The following SHANK2 variants were observed in gnomAD, a reference collection of about 807,000 sequenced individuals.
The protein encoded by SHANK2 is SH3 and multiple ankyrin repeat domains protein 2.
A neutral mutation model predicts 133.7 loss-of-function variants in SHANK2; 43 were observed. That is an observed-to-expected ratio of 0.32 (90% CI 0.25 to 0.41). The LOEUF is 0.41. Ranked by LOEUF, SHANK2 falls within the 10% of genes least tolerant of loss-of-function variation. SHANK2 has a pLI of 1.00. For synonymous variants in SHANK2, 1,017 were observed against 952.8 expected (o/e 1.07, Z -1.24); for missense variants, 1,994 against 2,235.8 (o/e 0.89, Z 2.18).
intron 1 of SHANK2, among the ~76,000 whole-genome samples, chr11:71,246,851 A>T (rs879982306): frequency 1.4e-4 from 21 of 152,132 alleles, no homozygotes; most frequent in Admixed American, 2.6e-4. Context: ...CTGCCTTCTC[A>T]CTCAGAGAGG....
At chr11:70,496,717 C>T (rs1053004583) in intron 21 of SHANK2, among the ~76,000 whole-genome samples, 3 of 152,088 alleles carry the variant, frequency 2.0e-5, no homozygotes, top group African/African-American at 4.8e-5. Context: ...CTGGGGCTGG[C>T]GCTGGGGTCC....
At chr11:70,883,876 G>C (rs1555072887) in intron 11 of SHANK2, among the ~76,000 whole-genome samples, 1 of 152,206 alleles carries the variant, frequency 6.6e-6, no homozygotes, top group Non-Finnish European at 1.5e-5. Context: ...TTACAAGAGG[G>C]GACCAGGAAG....
chr11:70,492,524 T>C (rs1196196912), intron 21 of SHANK2, 59 bp from the exon 22 acceptor site: 52 of 1,608,882 alleles, frequency 3.2e-5, no homozygotes, highest in African/African-American at 1.3e-4. Flanking sequence ...TGGGTGTAGA[T>C]AGGAAAGCGC....
At chr11:70,720,299 C>G (rs1255088444) in intron 14 of SHANK2, among the ~76,000 whole-genome samples, 2 of 152,186 alleles carry the variant, frequency 1.3e-5, no homozygotes, top group Non-Finnish European at 2.9e-5. Flanking sequence ...TGGTTTATCA[C>G]AAAATGGATG....
At chr11:70,681,495 A>G (rs1945028652) in intron 15 of SHANK2, among the ~76,000 whole-genome samples, 1 of 152,068 alleles carries the variant, frequency 6.6e-6, no homozygotes, top group Non-Finnish European at 1.5e-5. Flanking sequence ...AAAGGTGCAC[A>G]TCCACCACAT....
At chr11:70,743,244 G>A (rs1326866968) in intron 14 of SHANK2, among the ~76,000 whole-genome samples, 1 of 152,150 alleles carries the variant, frequency 6.6e-6, no homozygotes, top group Non-Finnish European at 1.5e-5. Flanking sequence ...CTGCACGTCT[G>A]CGTGCCCCCC....
intron 14 of SHANK2, among the ~76,000 whole-genome samples, chr11:70,789,039 C>T (rs1226007698): frequency 4.6e-5 from 7 of 152,158 alleles, no homozygotes; most frequent in Admixed American, 4.6e-4. Flanking sequence ...CTGTAAGATG[C>T]TCCCAGTAAG....
In SHANK2 at chr11:71,057,056, C is replaced by A. The variant is rs1013809441; in HGVS notation, c.1030-498G>T. On this transcript the variant is annotated intron_variant, in intron 9 of 25. Coordinates refer to ENST00000601538, the MANE Select transcript of SHANK2 (RefSeq NM_012309.5). The stretch of plus-strand genomic sequence containing the variant: ...CAAGTCCCAAAACAATAATATTGGC[C>A]ATGCGCAGTAGCTCACACCTGTAAT... Among the ~76,000 whole-genome samples the A allele has an allele frequency of 1.4e-4, 22 of 152,228 alleles. No homozygotes were observed. In the South Asian group the frequency reaches 4.4e-3, roughly 30 times the overall value.
intron 10 of SHANK2, chr11:70,908,089 C>A: frequency 8.8e-6 from 2 of 227,410 alleles, no homozygotes; most frequent in Non-Finnish European, 1.8e-5. Context: ...GAGTGAGAGT[C>A]CATCTCAAAA....
At chr11:70,871,439 C>T (rs2135541967) in intron 11 of SHANK2, among the ~76,000 whole-genome samples, 1 of 152,298 alleles carries the variant, frequency 6.6e-6, no homozygotes, top group South Asian at 2.1e-4. Flanking sequence ...TGGGGCCACA[C>T]CACCTTCTGA....
intron 9 of SHANK2, among the ~76,000 whole-genome samples, chr11:71,062,333 A>C (rs1950997751): frequency 6.6e-6 from 1 of 152,206 alleles, no homozygotes; most frequent in African/African-American, 2.4e-5. Context: ...TAAGAGAGAA[A>C]ACGAAGAGGA....
At chr11:70,913,999 C>T (rs1950232379) in intron 10 of SHANK2, among the ~76,000 whole-genome samples, 1 of 152,180 alleles carries the variant, frequency 6.6e-6, no homozygotes, top group East Asian at 1.9e-4. Context: ...TATTGCTTTT[C>T]AATTAATCCA....
chr11:71,162,576 A>C (rs1385090406), intron 2 of SHANK2, among the ~76,000 whole-genome samples: 2 of 152,260 alleles, frequency 1.3e-5, no homozygotes, highest in African/African-American at 4.8e-5. Flanking sequence ...CAAATCAAGT[A>C]ACATACGTTG....
chr11:70,602,600 T>C (rs2060515388), intron 17 of SHANK2, among the ~76,000 whole-genome samples: 1 of 152,208 alleles, frequency 6.6e-6, no homozygotes, highest in South Asian at 2.1e-4. Flanking sequence ...AAACATTTCA[T>C]CCTCTTCTTT....
intron 15 of SHANK2, among the ~76,000 whole-genome samples, chr11:70,663,384 G>C (rs1944614728): frequency 6.6e-6 from 1 of 152,112 alleles, no homozygotes; most frequent in Non-Finnish European, 1.5e-5. Context: ...CAGTATCCTG[G>C]ACAAGGGACG....
intron 11 of SHANK2, among the ~76,000 whole-genome samples, chr11:70,829,854 G>A (rs899169521): frequency 6.6e-5 from 10 of 152,220 alleles, no homozygotes; most frequent in Admixed American, 1.3e-4. Flanking sequence ...TCTGCCACAC[G>A]GGGTCTTCTG....
In SHANK2 at chr11:70,779,095, T is replaced by C. The variant is rs574303418; in HGVS notation, c.1777+19348A>G. 7.8e-4 allele frequency among the ~76,000 whole-genome samples: 119 copies of C among 152,100 alleles called. 1 individual carries two copies. The highest frequency in any genetic ancestry group is 4.6e-4 in the Admixed American group (7 of 15,260). On this transcript the variant is annotated intron_variant, in intron 14 of 25. Transcript: ENST00000601538. The stretch of plus-strand genomic sequence containing the variant: ...CCCCACAGCAAAGCCAGAGACTGGA[T>C]CCTCCCAAAGGAACCTGAAATAACA...
rs1453767951 is a variant in SHANK2, at chr11:70,822,032, CA to C, written c.1175-1351del. Among the ~76,000 whole-genome samples, 3 of 152,254 alleles carry C rather than the reference CA, an allele frequency of 2.0e-5. No homozygotes were observed. The East Asian group carries it at 5.8e-4, about 29-fold the overall frequency. The stretch of plus-strand genomic sequence containing the variant: ...CACGCCGCAGCTGCCTTGGTTTACC[CA>C]GAGCTCCAGAGCCTAAGACAGCGAG... On this transcript the variant is annotated intron_variant, in intron 11 of 25. Transcript: ENST00000601538.
chr11:70,532,444 G>GC (rs2059486008), intron 17 of SHANK2, among the ~76,000 whole-genome samples: 1 of 152,136 alleles, frequency 6.6e-6, no homozygotes, highest in African/African-American at 2.4e-5. Flanking sequence ...CACAGAGGTG[G>GC]CCCATCAGCA....
Sources: gnomAD v4.1 joint callset for allele counts (sites outside exome capture counted in the v4.1 genomes callset) on GRCh38, gnomAD v4.1.1 for gene constraint, MANE v1.5 for transcripts, NCBI Gene and HGNC (gene_info 2026-07-23, HGNC 2026-07-21) for gene names.